ANKRD33B: variants seen among roughly 807,000 people sequenced by gnomAD.
ANKRD33B encodes the protein ankyrin repeat domain 33B, also known as ankyrin repeat domain-containing protein 33B.
In ANKRD33B, 6 loss-of-function variants were observed where a neutral mutation model predicts 21.5. The ratio of observed to expected loss-of-function variants is 0.28; its 90% CI spans 0.15 to 0.55. ANKRD33B has a LOEUF of 0.55. Among genes scored for constraint, ANKRD33B ranks in the 20% least tolerant of loss-of-function variants. The probability of loss-of-function intolerance (pLI) is 0.94; values close to 1 mark genes in which losing one functional copy is unlikely to be tolerated. For synonymous variants in ANKRD33B, 347 were observed against 342.4 expected (o/e 1.01, Z -0.15); for missense variants, 698 against 747.2 (o/e 0.93, Z 0.77).
At chr5:10,590,949 G>GA (rs1451535362) in intron 1 of ANKRD33B, among the ~76,000 whole-genome samples, 1 of 151,978 alleles carries the variant, frequency 6.6e-6, no homozygotes, top group African/African-American at 2.4e-5. Flanking sequence ...GATATTTAGG[G>GA]AAAAAAAGTA....
intron 1 of ANKRD33B, among the ~76,000 whole-genome samples, chr5:10,565,103 C>T (rs1487701817): frequency 6.6e-6 from 1 of 152,246 alleles, no homozygotes; most frequent in Non-Finnish European, 1.5e-5. Context: ...ATCCCCTTCT[C>T]GTTTACCGGT....
In ANKRD33B at chr5:10,650,143, G is replaced by A; in HGVS notation, c.*30G>A. 1 of 741,208 alleles carries A rather than the reference G, an allele frequency of 1.3e-6. No individual in the cohort carries two copies. Among genetic ancestry groups the A allele is most frequent in the Non-Finnish European group, 1.8e-6 (1 of 553,502 alleles). 45.9% of individuals were successfully genotyped at this position (741,208 alleles called of 1,614,324 possible). On this transcript the variant is annotated 3_prime_UTR_variant, in exon 4 of 4. Transcript: ENST00000296657. ...CCGTGTGCCTGGCGCTGGGGCCGGG[G>A]CTGGGGCCGGGGCGGGGCCGCAGGG...
intron 1 of ANKRD33B, among the ~76,000 whole-genome samples, chr5:10,603,212 T>C (rs73036510): frequency 0.11 from 16,451 of 152,044 alleles, 1,388 homozygotes; most frequent in African/African-American, 0.23. Flanking sequence ...AATCCACTTG[T>C]GTAGTTAAGC....
intron 1 of ANKRD33B, among the ~76,000 whole-genome samples, chr5:10,588,290 G>T (rs867137027): frequency 7.2e-5 from 11 of 152,044 alleles, no homozygotes; most frequent in African/African-American, 1.9e-4. Context: ...CCTTCATGAG[G>T]GCACCTTTCT....
chr5:10,630,925 G>A (rs1360451756), intron 2 of ANKRD33B, among the ~76,000 whole-genome samples: 1 of 152,124 alleles, frequency 6.6e-6, no homozygotes. Flanking sequence ...ACTGAGTGGG[G>A]AAACCCCACA....
At position 10,650,247 on chromosome 5, in the gene ANKRD33B, C is replaced by T. The variant is rs567927024; in HGVS notation, c.*134C>T. On this transcript the variant is annotated 3_prime_UTR_variant, in exon 4 of 4. Coordinates refer to ENST00000296657, the MANE Select transcript of ANKRD33B (RefSeq NM_001164440.2). ...TGGACCACGGGGCTGCGCGCATTTC[C>T]AGGCTGTTTGTCCAGGCTGCTTCCA... 7.1e-4 allele frequency: 724 copies of T among 1,026,272 alleles called. 3 individuals carry two copies. The African/African-American group carries it at 0.011, about 16-fold the overall frequency. 63.6% of individuals were successfully genotyped at this position (1,026,272 alleles called of 1,614,324 possible). A position where few individuals can be genotyped will look rare whatever the true frequency, so the allele number is the denominator to read the frequency against.
At chr5:10,638,462 T>C (rs1252467818) in intron 3 of ANKRD33B, among the ~76,000 whole-genome samples, 4 of 152,242 alleles carry the variant, frequency 2.6e-5, no homozygotes, top group Non-Finnish European at 5.9e-5. Flanking sequence ...CCAAGTCCTG[T>C]CCATATCTGT....
intron 3 of ANKRD33B, among the ~76,000 whole-genome samples, chr5:10,647,793 A>C (rs564532250): frequency 6.6e-6 from 1 of 152,322 alleles, no homozygotes; most frequent in Admixed American, 6.5e-5. Context: ...GTTTCCAGGA[A>C]ACCTTGGTCT....
intron 1 of ANKRD33B, among the ~76,000 whole-genome samples, chr5:10,616,958 C>T (rs13176022): frequency 0.071 from 10,869 of 152,290 alleles, 494 homozygotes; most frequent in Middle Eastern, 0.1. Context: ...GATCAGGGCG[C>T]TAGCATGGTG....
Position 10,649,721 on chromosome 5 carries a change from G to T in ANKRD33B, c.1093G>T (p.Ala365Ser), listed in dbSNP as rs1277406999. 1 of 1,494,276 alleles carries T rather than the reference G, an allele frequency of 6.7e-7. No individual in the cohort carries two copies. The highest frequency in any genetic ancestry group is 1.3e-5 in the South Asian group (1 of 78,502). 92.6% of individuals were successfully genotyped at this position (1,494,276 alleles called of 1,614,324 possible). The change falls in exon 4 of 4, where the codon GCG becomes TCG. Residue 365 changes from alanine to serine, a missense_variant. Ala to Ser is a moderately conservative substitution (Grantham distance 99). This residue lies in a region of ANKRD33B where 543 missense variants were observed against 566.5 expected (regional missense o/e 0.96). Coordinates refer to ENST00000296657, the MANE Select transcript of ANKRD33B (RefSeq NM_001164440.2). ...QAQEEDEVGG[A>S]GQRGRTGQED... ...GCAGGAGGAGGATGAGGTGGGGGGC[G>T]CGGGGCAGCGCGGGCGGACCGGACA...
rs561689441 is a variant in ANKRD33B at position 10,656,362 on chromosome 5, T to C, written c.*6249T>C. ...AAGACTTGATAAAAGGCACAGCCCT[T>C]GGCAGCAGGCAGTGCCAATGTGGAC... On this transcript the variant is annotated 3_prime_UTR_variant, in exon 4 of 4. Coordinates refer to ENST00000296657, the MANE Select transcript of ANKRD33B (RefSeq NM_001164440.2). 6.6e-6 allele frequency: 1 copy of C among 152,530 alleles called. No homozygotes were observed. The highest frequency in any genetic ancestry group is 2.4e-5 in the African/African-American group (1 of 41,584). The allele number at this position is 152,530 out of a possible 1,614,324, so 9.4% of individuals were successfully genotyped here.
intron 3 of ANKRD33B, among the ~76,000 whole-genome samples, chr5:10,647,025 A>G (rs79062465): frequency 0.051 from 7,801 of 152,222 alleles, 258 homozygotes; most frequent in Non-Finnish European, 0.075. Flanking sequence ...GTCCCCTTTG[A>G]GCTCACAGAC....
chr5:10,570,712 A>G (rs1034245401), intron 1 of ANKRD33B, among the ~76,000 whole-genome samples: 1 of 151,996 alleles, frequency 6.6e-6, no homozygotes, highest in African/African-American at 2.4e-5. Context: ...GCACACCTCC[A>G]CGCCAGGCTA....
In ANKRD33B at chr5:10,564,736, T is replaced by C. The variant is rs1735007626; in HGVS notation, c.269T>C (p.Leu90Pro). The C allele has an allele frequency of 1.4e-5, 22 of 1,531,290 alleles. No individual in the cohort carries two copies. The highest frequency in any genetic ancestry group is 1.8e-5 in the Non-Finnish European group (21 of 1,144,362). The allele number at this position is 1,531,290 out of a possible 1,614,324, so 94.9% of individuals were successfully genotyped here. A position where few individuals can be genotyped will look rare whatever the true frequency, so the allele number is the denominator to read the frequency against. Residue 90 changes from leucine (L) to proline (P), a missense_variant, in exon 1 of 4, where the codon CTG becomes CCG. This residue lies in a region of ANKRD33B where 148 missense variants were observed against 154.9 expected (regional missense o/e 0.96). Coordinates refer to ENST00000296657, the MANE Select transcript of ANKRD33B (RefSeq NM_001164440.2). ...PESVPETATLLRAACANNVGL... is the reference protein window; with the variant it reads ...PESVPETATLPRAACANNVGL... ...AGCGTCCCGGAGACGGCGACCCTCC[T>C]GCGCGCCGCCTGCGCCAACAACGTG...
At chr5:10,630,884 A>G (rs77374216) in intron 2 of ANKRD33B, among the ~76,000 whole-genome samples, 1 of 151,338 alleles carries the variant, frequency 6.6e-6, no homozygotes, top group African/African-American at 2.4e-5. Flanking sequence ...AAAAAAAAAA[A>G]AAGAAGAAGA....
At position 10,564,305 on chromosome 5, in the gene ANKRD33B, T is replaced by C. The variant is rs896474276; in HGVS notation, c.-163T>C. The C allele has an allele frequency of 9.1e-4, 337 of 371,428 alleles. 1 individual carries two copies. The highest frequency in any genetic ancestry group is 6.9e-3 in the African/African-American group (313 of 45,418). The allele number at this position is 371,428 out of a possible 1,614,324, so 23.0% of individuals were successfully genotyped here. A position where few individuals can be genotyped will look rare whatever the true frequency, so the allele number is the denominator to read the frequency against. ...CTCGCTCAGCCTCCGGAGACTTTTT[T>C]CTTTGAGCGCAGCCGCCTGGTGCCG... On this transcript the variant is annotated 5_prime_UTR_variant, in exon 1 of 4. Coordinates refer to ENST00000296657, the MANE Select transcript of ANKRD33B (RefSeq NM_001164440.2).
At chr5:10,637,706 G>C (rs1003427507) in intron 2 of ANKRD33B, among the ~76,000 whole-genome samples, 1 of 152,056 alleles carries the variant, frequency 6.6e-6, no homozygotes, top group African/African-American at 2.4e-5. Context: ...CTGAGGCTGC[G>C]CTCCCTACCT....
intron 1 of ANKRD33B, among the ~76,000 whole-genome samples, chr5:10,580,927 G>A (rs1735431021): frequency 6.6e-6 from 1 of 152,066 alleles, no homozygotes; most frequent in Admixed American, 6.5e-5. Flanking sequence ...AAACTCACTT[G>A]GCAGTGGGTT....
intron 1 of ANKRD33B, among the ~76,000 whole-genome samples, chr5:10,599,704 A>G (rs908020566): frequency 3.3e-5 from 5 of 152,342 alleles, no homozygotes; most frequent in African/African-American, 1.2e-4. Context: ...CATCATATGT[A>G]TATACCACAT....
Sources: gnomAD v4.1 joint callset for allele counts (sites outside exome capture counted in the v4.1 genomes callset) on GRCh38, gnomAD v4.1.1 for gene constraint, gnomAD v4.1.1 regional missense constraint, MANE v1.5 for transcripts, NCBI Gene and HGNC (gene_info 2026-07-23, HGNC 2026-07-21) for gene names.